Variants in ANK3 observed in about 807,000 individuals in gnomAD.
ANK3 encodes the protein ankyrin-3.
Under a neutral mutation model 370.9 loss-of-function variants are expected in ANK3, and 57 were observed. The observed-to-expected ratio is 0.15, with a 90% CI of 0.12 to 0.19. ANK3 has a LOEUF of 0.19. Among genes scored for constraint, ANK3 ranks in the 10% least tolerant of loss-of-function variants. The probability of loss-of-function intolerance (pLI) is 1.00; values close to 1 mark genes in which losing one functional copy is unlikely to be tolerated. For missense variants in ANK3, 4,439 were observed against 5,302.1 expected (o/e 0.84, Z 5.06); for synonymous variants, 1,929 against 1,946.3 (o/e 0.99, Z 0.23).
At chr10:60,134,508 G>A in intron 24 of ANK3, 135 bp from the exon 25 acceptor site, 1 of 592,354 alleles carries the variant, frequency 1.7e-6, no homozygotes. Context: ...AAAGGACATA[G>A]TGAAAAGTAA....
chr10:60,085,610 CTTTTTTTTTTTT>C (rs10601268), intron 30 of ANK3, among the ~76,000 whole-genome samples: 86 of 109,940 alleles, frequency 7.8e-4, no homozygotes, highest in African/African-American at 2.7e-3. Flanking sequence ...GTCTCTTACT[CTTTTTTTTTTTT>C]TTTTTTTTTT....
chr10:60,509,796 T>G (rs1260925194), intron 2 of ANK3, among the ~76,000 whole-genome samples: 1 of 152,176 alleles, frequency 6.6e-6, no homozygotes, highest in African/African-American at 2.4e-5. Context: ...ATCAAATTAT[T>G]ATTTGTCCTT....
At chr10:60,618,056 T>C (rs1324409380) in intron 1 of ANK3, among the ~76,000 whole-genome samples, 1 of 152,142 alleles carries the variant, frequency 6.6e-6, no homozygotes, top group East Asian at 1.9e-4. Context: ...TTTATGATAT[T>C]AAATTTTTTT....
chr10:60,352,331 A>C (rs563498389), intron 1 of ANK3, among the ~76,000 whole-genome samples: 3 of 152,166 alleles, frequency 2.0e-5, no homozygotes, highest in Admixed American at 6.5e-5. Flanking sequence ...ACAAAACAGA[A>C]ACTCTTTCTC....
chr10:60,467,341 C>T (rs967704859), intron 2 of ANK3, among the ~76,000 whole-genome samples: 1 of 152,148 alleles, frequency 6.6e-6, no homozygotes. Flanking sequence ...CTCTTCCACT[C>T]CCCATACTGC....
At chr10:60,189,067 G>C (rs1300657144) in intron 16 of ANK3, among the ~76,000 whole-genome samples, 1 of 152,134 alleles carries the variant, frequency 6.6e-6, no homozygotes, top group Non-Finnish European at 1.5e-5. Flanking sequence ...TTTTGCTTTT[G>C]CTATTGATAT....
intron 23 of ANK3, among the ~76,000 whole-genome samples, chr10:60,156,691 G>C (rs555115273): frequency 6.6e-6 from 1 of 152,300 alleles, no homozygotes; most frequent in Non-Finnish European, 1.5e-5. Context: ...GTGTATCAAG[G>C]AGTCTGTAAG....
intron 23 of ANK3, among the ~76,000 whole-genome samples, chr10:60,158,717 C>T (rs538140204): frequency 5.3e-4 from 65 of 122,706 alleles, no homozygotes; most frequent in African/African-American, 1.8e-3. Context: ...ATTCTGTCAC[C>T]CACGCTGGAG....
chr10:60,377,117 T>C (rs552628252), intron 1 of ANK3, among the ~76,000 whole-genome samples: 62 of 152,218 alleles, frequency 4.1e-4, no homozygotes, highest in Non-Finnish European at 6.9e-4. Flanking sequence ...ATACCCATCA[T>C]GTTATTGAAT....
At chr10:60,508,527 A>G (rs1443291293) in intron 2 of ANK3, 1 of 152,664 alleles carries the variant, frequency 6.6e-6, no homozygotes, top group Non-Finnish European at 1.5e-5. Context: ...GCATATCAGT[A>G]TTTTTGAACT....
chr10:60,117,688 C>T (rs10994207), intron 25 of ANK3, among the ~76,000 whole-genome samples: 7,699 of 152,002 alleles, frequency 0.051, 248 homozygotes, highest in Non-Finnish European at 0.058. Context: ...CGTGGTGGCA[C>T]GTACCTGTAA....
At chr10:60,665,454 A>G (rs552857432) in intron 1 of ANK3, among the ~76,000 whole-genome samples, 2 of 152,206 alleles carry the variant, frequency 1.3e-5, no homozygotes, top group Non-Finnish European at 2.9e-5. Context: ...TCTGGCATGT[A>G]GCAGATGCTC....
chr10:60,181,551 T>A (rs1339419103), intron 17 of ANK3, 124 bp from the exon 18 acceptor site: 1 of 917,420 alleles, frequency 1.1e-6, no homozygotes, highest in Admixed American at 2.2e-5. Flanking sequence ...AGAAAAAACC[T>A]ATGGAATAAA....
At chr10:60,258,300 C>A (rs903555330) in intron 7 of ANK3, among the ~76,000 whole-genome samples, 2 of 152,210 alleles carry the variant, frequency 1.3e-5, no homozygotes, top group Non-Finnish European at 2.9e-5. Flanking sequence ...TAACTCCCTG[C>A]AGCAGACCCA....
intron 25 of ANK3, among the ~76,000 whole-genome samples, chr10:60,125,670 C>T (rs189072676): frequency 4.6e-5 from 7 of 152,096 alleles, no homozygotes; most frequent in East Asian, 3.9e-4. Flanking sequence ...AATCTGCCGA[C>T]GGGTGTGGGA....
At position 60,273,945 on chromosome 10, in the gene ANK3, A is replaced by G. The variant is rs1484610471; in HGVS notation, c.415-3716T>C. 3.3e-5 allele frequency among the ~76,000 whole-genome samples: 5 copies of G among 152,160 alleles called. No individual in the cohort carries two copies. The South Asian group carries it at 1.0e-3, about 31-fold the overall frequency. On this transcript the variant is annotated intron_variant, in intron 4 of 43. Transcript: ENST00000280772. ...ATTAAACTTCTTTCCTTTATAAATT[A>G]CCCAGTCTTGGGTATGTCTTTATTA...
intron 2 of ANK3, among the ~76,000 whole-genome samples, chr10:60,581,418 CTTTTTTTTTTT>C (rs56317709): frequency 8.1e-6 from 1 of 123,486 alleles, no homozygotes; most frequent in African/African-American, 3.1e-5. Context: ...GTATTTTGCC[CTTTTTTTTTTT>C]TTTTTTTTTT....
intron 1 of ANK3, among the ~76,000 whole-genome samples, chr10:60,326,131 G>A (rs1310325634): frequency 6.6e-6 from 1 of 152,092 alleles, no homozygotes; most frequent in Non-Finnish European, 1.5e-5. Flanking sequence ...CTTTTGGAGG[G>A]TGGAGGGTGG....
At chr10:60,498,326 A>C (rs1476214235) in intron 2 of ANK3, among the ~76,000 whole-genome samples, 50 of 152,178 alleles carry the variant, frequency 3.3e-4, no homozygotes. Context: ...GGTTTATTGA[A>C]GAGAATACCA....
Sources: allele counts gnomAD v4.1 joint callset (sites outside exome capture counted in the v4.1 genomes callset), GRCh38; gene constraint gnomAD v4.1.1; transcripts MANE v1.5; gene names NCBI Gene and HGNC (gene_info 2026-07-23, HGNC 2026-07-21).